The following ZFX variants were observed in gnomAD, a reference collection of about 807,000 sequenced individuals.
ZFX encodes zinc finger X-chromosomal protein.
For missense variants in ZFX, 362 were observed against 628.3 expected (o/e 0.58, Z 4.53); for synonymous variants, 196 against 226.8 (o/e 0.86, Z 1.22).
rs1938036467 is a variant in ZFX, at chrX:24,210,883, G to A, written c.1925G>A (p.Ser642Asn). 8.3e-7 allele frequency: 1 copy of A among 1,208,449 alleles called. No individual in the cohort carries two copies. Among genetic ancestry groups the A allele is most frequent in the Non-Finnish European group, 1.1e-6 (1 of 894,810 alleles). ...CAGTGTTTGCATTGCGACCACAAGA[G>A]TTCGAACTCAAGTGATTTGAAACGA... ...THQCLHCDHK[S>N]SNSSDLKRHI... Residue 642 changes from serine (S) to asparagine (N), a missense_variant, in exon 10 of 10, where the codon AGT becomes AAT. Coordinates refer to ENST00000304543, the MANE Select transcript of ZFX (RefSeq NM_003410.4).
chrX:24,183,478 C>T (rs1935846501), intron 5 of ZFX, among the ~76,000 whole-genome samples: 1 of 111,287 alleles, frequency 9.0e-6, no homozygotes, highest in East Asian at 2.8e-4. Context: ...TGAGCTACCA[C>T]GCCTGGCCGA....
chrX:24,181,388 C>A (rs2147702426), intron 5 of ZFX, among the ~76,000 whole-genome samples: 1 of 111,669 alleles, frequency 9.0e-6, no homozygotes, highest in South Asian at 3.7e-4. Flanking sequence ...TAGTGTGATG[C>A]AGAGGTGTGA....
chrX:24,150,060 G>A (rs1360817692), intron 1 of ZFX: 1 of 106,645 alleles, frequency 9.4e-6, no homozygotes, highest in African/African-American at 3.4e-5. Flanking sequence ...GCCCCGGGTC[G>A]GCTCCGCGGC....
chrX:24,201,643 C>A (rs1937302336), intron 5 of ZFX, among the ~76,000 whole-genome samples: 1 of 112,182 alleles, frequency 8.9e-6, no homozygotes, highest in Non-Finnish European at 1.9e-5. Flanking sequence ...AACTTTATCC[C>A]TCCACTGCTA....
chrX:24,178,980 A>G (rs746585961), intron 4 of ZFX, among the ~76,000 whole-genome samples: 1 of 112,147 alleles, frequency 8.9e-6, no homozygotes, highest in Non-Finnish European at 1.9e-5. Flanking sequence ...TTAAAAATCT[A>G]TTGATTTGAG....
chrX:24,203,373 C>A (rs1411214419), intron 5 of ZFX, among the ~76,000 whole-genome samples: 1 of 112,250 alleles, frequency 8.9e-6, no homozygotes, highest in Non-Finnish European at 1.9e-5. Flanking sequence ...GGGCACCTGA[C>A]TTAGTCACTG....
chrX:24,171,905 GGAGAGAGAGAGA>G (rs1213136127), intron 3 of ZFX, among the ~76,000 whole-genome samples: 12 of 41,899 alleles, frequency 2.9e-4, no homozygotes, highest in East Asian at 2.9e-3. Context: ...AGAGAGAGAA[GGAGAGAGAGAGA>G]GAGAGAGAGA....
intron 5 of ZFX, among the ~76,000 whole-genome samples, chrX:24,200,779 A>G (rs754807403): frequency 8.9e-6 from 1 of 111,869 alleles, no homozygotes; most frequent in South Asian, 3.7e-4. Flanking sequence ...TCCACCTCTC[A>G]CTTAGTAGCT....
chrX:24,165,769 C>T (rs1933943168), intron 3 of ZFX, among the ~76,000 whole-genome samples: 1 of 112,040 alleles, frequency 8.9e-6, no homozygotes. Flanking sequence ...TCACACTGCT[C>T]GAACTAAGTC....
chrX:24,157,438 T>C (rs1313819639), intron 3 of ZFX, among the ~76,000 whole-genome samples: 1 of 112,364 alleles, frequency 8.9e-6, no homozygotes, highest in African/African-American at 3.2e-5. Flanking sequence ...TAATCACTGT[T>C]GTCTAGGCAG....
At chrX:24,175,346 C>T (rs1935026920) in intron 4 of ZFX, 1 of 111,612 alleles carries the variant, frequency 9.0e-6, no homozygotes, top group Admixed American at 9.5e-5. Context: ...GCCAGGGCCT[C>T]CGTTTTCATA....
At chrX:24,206,761 T>C (rs980672073) in intron 5 of ZFX, among the ~76,000 whole-genome samples, 1 of 110,147 alleles carries the variant, frequency 9.1e-6, no homozygotes, top group African/African-American at 3.3e-5. Context: ...GCAAAGGCTG[T>C]TAAGTATATT....
chrX:24,170,151 T>C (rs1315380467), intron 3 of ZFX, among the ~76,000 whole-genome samples: 2 of 91,302 alleles, frequency 2.2e-5, no homozygotes, highest in Non-Finnish European at 4.2e-5. Flanking sequence ...TTCATAATGC[T>C]TAGAATTTTT....
intron 5 of ZFX, among the ~76,000 whole-genome samples, chrX:24,184,734 T>C (rs1935962590): frequency 9.0e-6 from 1 of 111,699 alleles, no homozygotes; most frequent in Admixed American, 9.5e-5. Flanking sequence ...TATTTTAATA[T>C]ATGTTTTATG....
intron 5 of ZFX, among the ~76,000 whole-genome samples, chrX:24,189,971 A>G (rs967824647): frequency 8.9e-6 from 1 of 112,478 alleles, no homozygotes; most frequent in Non-Finnish European, 1.9e-5. Flanking sequence ...TGAAAACTAT[A>G]TATCTACATG....
intron 3 of ZFX, among the ~76,000 whole-genome samples, chrX:24,161,087 GCAAA>G (rs1360238923): frequency 9.0e-6 from 1 of 111,641 alleles, no homozygotes; most frequent in African/African-American, 3.3e-5. Context: ...TATACCAGCA[GCAAA>G]CAATTTGAAA....
chrX:24,172,648 C>G, intron 3 of ZFX, 67 bp from the exon 4 acceptor site: 1 of 793,176 alleles, frequency 1.3e-6, no homozygotes, highest in Admixed American at 3.7e-5. Context: ...ATGAAACTAT[C>G]ATGATGGCAT....
In ZFX at chrX:24,210,702, G is replaced by A. The variant is rs762875158; in HGVS notation, c.1744G>A (p.Glu582Lys). The change falls in exon 10 of 10, where the codon GAA (glutamate) becomes AAA (lysine). Residue 582 changes from glutamate to lysine, a missense_variant. Coordinates refer to ENST00000304543, the MANE Select transcript of ZFX (RefSeq NM_003410.4). ...GEKPYQCQYC[E>K]YRSADSSNLK... ...GAAGCCGTACCAATGCCAGTACTGCGAATATAGGTCTGCAGACTCTTCTAA... is the reference window on the plus strand; with the variant it reads ...GAAGCCGTACCAATGCCAGTACTGCAAATATAGGTCTGCAGACTCTTCTAA... 8.3e-7 allele frequency: 1 copy of A among 1,211,445 alleles called. No individual in the cohort carries two copies. Among genetic ancestry groups the A allele is most frequent in the Non-Finnish European group, 1.1e-6 (1 of 895,486 alleles).
chrX:24,209,981 A>G (rs977332615), intron 9 of ZFX, among the ~76,000 whole-genome samples: 1 of 112,164 alleles, frequency 8.9e-6, no homozygotes, highest in African/African-American at 3.2e-5. Context: ...AAGGCGGTAC[A>G]GTCTTCATGA....
Sources: gnomAD v4.1 joint callset for allele counts (sites outside exome capture counted in the v4.1 genomes callset) on GRCh38, gnomAD v4.1.1 for gene constraint, MANE v1.5 for transcripts, NCBI Gene and HGNC (gene_info 2026-07-23, HGNC 2026-07-21) for gene names.